The following PATZ1 variants were observed in gnomAD, a reference collection of about 807,000 sequenced individuals.
PATZ1 encodes POZ-, AT hook-, and zinc finger-containing protein 1.
In PATZ1, 9 loss-of-function variants were observed where a neutral mutation model predicts 46.2. The observed-to-expected ratio is 0.19, with a 90% CI of 0.12 to 0.34. The LOEUF is 0.34. Among genes scored for constraint, PATZ1 ranks in the 10% least tolerant of loss-of-function variants. The pLI, the probability that PATZ1 is intolerant of heterozygous loss-of-function variation, is 1.00. For missense variants in PATZ1, 632 were observed against 923.0 expected, an observed-to-expected ratio of 0.68 and a Z score of 4.08; for synonymous variants, 426 against 378.6, an observed-to-expected ratio of 1.13 and a Z score of -1.45.
chr22:31,342,493 G>A (rs976910494), intron 2 of PATZ1, among the ~76,000 whole-genome samples: 1 of 152,072 alleles, frequency 6.6e-6, no homozygotes, highest in Admixed American at 6.5e-5. Context: ...TGGACCACCA[G>A]GAGCCCTTTT....
At chr22:31,337,120 A>G (rs942597645) in intron 2 of PATZ1, among the ~76,000 whole-genome samples, 1 of 152,160 alleles carries the variant, frequency 6.6e-6, no homozygotes, top group East Asian at 1.9e-4. Context: ...AAAAAAAAAA[A>G]GCATTTGTGA....
intron 2 of PATZ1, chr22:31,341,421 T>G: frequency 6.4e-7 from 1 of 1,554,318 alleles, no homozygotes; most frequent in East Asian, 2.3e-5. Context: ...AACAGGCCAC[T>G]GGGTAAAGGC....
chr22:31,331,936 C>T (rs2145814362), intron 3 of PATZ1, among the ~76,000 whole-genome samples: 1 of 152,144 alleles, frequency 6.6e-6, no homozygotes, highest in East Asian at 1.9e-4. Context: ...CATGGAGAAA[C>T]CCTGTCTCTA....
intron 3 of PATZ1, among the ~76,000 whole-genome samples, chr22:31,329,736 G>A (rs1287057663): frequency 6.6e-6 from 1 of 152,152 alleles, no homozygotes. Context: ...CGGTCAGTCT[G>A]ATCCACGAGA....
Position 31,327,328 on chromosome 22 carries a change from T to C in PATZ1, c.1646-19A>G, listed in dbSNP as rs759372352. The C allele has an allele frequency of 1.4e-5, 23 of 1,604,906 alleles. No individual in the cohort carries two copies. Among genetic ancestry groups the C allele is most frequent in the Middle Eastern group, 1.7e-4 (1 of 5,820 alleles). Reference sequence around the variant, plus strand: ...TGGCCTTCTACGAAAAAACAAAATATAGGAGAGCGATGAGGCCAGGCTCTG... The same window carrying C: ...TGGCCTTCTACGAAAAAACAAAATACAGGAGAGCGATGAGGCCAGGCTCTG... On this transcript the variant is annotated intron_variant, in intron 4 of 4. Transcript: ENST00000266269. This position sits in a 1 kb window ranked among gnomAD's most constrained non-coding sequence, Gnocchi z 4.2.
In PATZ1 at chr22:31,327,662, T is replaced by C. The variant is rs1402094977; in HGVS notation, c.1646-353A>G. 6.6e-6 allele frequency among the ~76,000 whole-genome samples: 1 copy of C among 152,152 alleles called. No homozygotes were observed. Among genetic ancestry groups the C allele is most frequent in the Non-Finnish European group, 1.5e-5 (1 of 68,022 alleles). ...AGACCCCCAACTCCTAGGCGCTCTT[T>C]TGGGTGCCTCTGAGGGTAAAATTGG... On this transcript the variant is annotated intron_variant, in intron 4 of 4. Coordinates refer to ENST00000266269, the MANE Select transcript of PATZ1 (RefSeq NM_014323.3). The surrounding 1 kb of genome is among the most constrained non-coding windows in gnomAD (Gnocchi z 4.2).
chr22:31,343,139 C>G (rs2049604307), intron 1 of PATZ1, 179 bp from the exon 2 acceptor site: 1 of 1,352,578 alleles, frequency 7.4e-7, no homozygotes, highest in Non-Finnish European at 9.6e-7. Context: ...AGGCCCAGGC[C>G]TCTCTGCCCT....
intron 2 of PATZ1, among the ~76,000 whole-genome samples, chr22:31,342,572 C>T (rs547918270): frequency 6.6e-6 from 1 of 152,268 alleles, no homozygotes; most frequent in South Asian, 2.1e-4. Flanking sequence ...CCGGGTCTCC[C>T]AACACAACAT....
chr22:31,327,208 T>G lies in PATZ1; in HGVS notation c.1747A>C (p.Asn583His). The G allele has an allele frequency of 6.2e-7, 1 of 1,614,226 alleles. No homozygotes were observed. The highest frequency in any genetic ancestry group is 8.5e-7 in the Non-Finnish European group (1 of 1,180,026). The change falls in exon 5 of 5, where the codon AAT becomes CAT. Residue 583 changes from asparagine (N) to histidine (H), a missense_variant. Coordinates refer to ENST00000266269, the MANE Select transcript of PATZ1 (RefSeq NM_014323.3). This position sits in a 1 kb window ranked among gnomAD's most constrained non-coding sequence, Gnocchi z 4.2. ...DLKTPEKQSA[N>H]GSFSCDMAVP... Reference sequence around the variant, plus strand: ...GCCATGTCGCAGGAGAAAGAGCCATTGGCACTCTGCTTCTCTGGCGTCTTC... The same window carrying G: ...GCCATGTCGCAGGAGAAAGAGCCATGGGCACTCTGCTTCTCTGGCGTCTTC...
At position 31,344,502 on chromosome 22, in the gene PATZ1, C is replaced by T. The variant is rs537669109; in HGVS notation, c.1101G>A (p.Val367=). Residue 367 remains valine (V), a synonymous_variant, in exon 1 of 5, where the codon GTG becomes GTA. Coordinates refer to ENST00000266269, the MANE Select transcript of PATZ1 (RefSeq NM_014323.3). ...ACAGCTTGTGCCGGTTAAGATGATA[C>T]ACATCACGGAAGATCTTGCCGCAGA... ...CEICGKIFRD[V]YHLNRHKLSH... 4.3e-6 allele frequency: 7 copies of T among 1,614,238 alleles called. No homozygotes were observed. The highest frequency in any genetic ancestry group is 5.9e-6 in the Non-Finnish European group (7 of 1,180,044).
intron 1 of PATZ1, chr22:31,343,161 G>C (rs1490284328): frequency 1.5e-6 from 2 of 1,309,454 alleles, no homozygotes; most frequent in Non-Finnish European, 2.0e-6. Flanking sequence ...GTTTTCTCTG[G>C]AGGGGGGAAG....
At chr22:31,330,699 C>T (rs1297817541) in intron 3 of PATZ1, among the ~76,000 whole-genome samples, 1 of 152,188 alleles carries the variant, frequency 6.6e-6, no homozygotes, top group Non-Finnish European at 1.5e-5. Context: ...TCCTACTGCT[C>T]AAGATCATCA....
chr22:31,335,516 G>T, intron 3 of PATZ1, 176 bp downstream of exon 3: 1 of 597,592 alleles, frequency 1.7e-6, no homozygotes, highest in Non-Finnish European at 2.9e-6. Context: ...AAGCTTCTTG[G>T]GAAGGAAGAG....
Position 31,325,911 on chromosome 22 carries a change from T to C in PATZ1, c.*980A>G, listed in dbSNP as rs748258026. ...ACACAACTGAGGTACACAATGTCCC[T>C]ACCTGCCGGCTGTCCCACCTTCCTG... is the stretch of plus-strand genomic sequence containing the variant. On this transcript the variant is annotated 3_prime_UTR_variant, in exon 5 of 5. Coordinates refer to ENST00000266269, the MANE Select transcript of PATZ1 (RefSeq NM_014323.3). The C allele has an allele frequency of 2.8e-5, 6 of 212,580 alleles. No homozygotes were observed. The highest frequency in any genetic ancestry group is 4.8e-5 in the Non-Finnish European group (5 of 104,684). The allele number at this position is 212,580 out of a possible 1,614,324, so 13.2% of individuals were successfully genotyped here.
rs2049391334 is a variant in PATZ1 at position 31,328,171 on chromosome 22, A to T, written c.1645+616T>A. 6.6e-6 allele frequency among the ~76,000 whole-genome samples: 1 copy of T among 152,226 alleles called. No homozygotes were observed. The highest frequency in any genetic ancestry group is 2.4e-5 in the African/African-American group (1 of 41,448). Reference sequence around the variant, plus strand: ...TGGCCTCATCCCCAAGGCAACGACAACGTGACATACCACAAAACAACCTGA... The same window carrying T: ...TGGCCTCATCCCCAAGGCAACGACATCGTGACATACCACAAAACAACCTGA... On this transcript the variant is annotated intron_variant, in intron 4 of 4. Transcript: ENST00000266269. This position sits in a 1 kb window ranked among gnomAD's most constrained non-coding sequence, Gnocchi z 4.8.
chr22:31,341,566 C>A, intron 2 of PATZ1: 1 of 1,614,120 alleles, frequency 6.2e-7, no homozygotes, highest in East Asian at 2.2e-5. Context: ...AGGGAAAAGG[C>A]GGTGTCAGGA....
At chr22:31,335,625 C>T (rs1248983149) in intron 3 of PATZ1, 67 bp downstream of exon 3, 1 of 1,475,606 alleles carries the variant, frequency 6.8e-7, no homozygotes, top group Non-Finnish European at 9.3e-7. Flanking sequence ...GTGATTGAGA[C>T]ACCCCTAGGC....
intron 2 of PATZ1, among the ~76,000 whole-genome samples, chr22:31,342,087 G>C (rs1180731871): frequency 2.6e-5 from 4 of 152,144 alleles, no homozygotes; most frequent in Admixed American, 6.5e-5. Context: ...GCCCTCACTT[G>C]ATGGGAACTT....
At chr22:31,335,908 C>T in intron 2 of PATZ1, 45 bp from the exon 3 acceptor site, 1 of 1,565,040 alleles carries the variant, frequency 6.4e-7, no homozygotes, top group East Asian at 2.3e-5. Flanking sequence ...CCCAGCACCC[C>T]ACACCTGACT....
Sources: gnomAD v4.1 joint callset for allele counts (sites outside exome capture counted in the v4.1 genomes callset) on GRCh38, gnomAD v4.1.1 for gene constraint, Gnocchi (gnomAD v3.1) non-coding constraint, MANE v1.5 for transcripts, NCBI Gene and HGNC (gene_info 2026-07-23, HGNC 2026-07-21) for gene names.